The following FNTB variants were observed in gnomAD, a reference collection of about 807,000 sequenced individuals.
FNTB encodes protein farnesyltransferase subunit beta.
Under a neutral mutation model 59.4 loss-of-function variants are expected in FNTB, and 27 were observed. The observed-to-expected ratio is 0.45, with a 90% CI of 0.34 to 0.63. The LOEUF is 0.63. FNTB is among the 20% of genes least tolerant of loss of function. The pLI is 0.02. For missense variants in FNTB, 449 were observed against 559.6 expected (o/e 0.80, Z 1.99); for synonymous variants, 230 against 220.7 (o/e 1.04, Z -0.37).
In FNTB at chr14:65,019,620, C is replaced by G. The variant is rs538368251; in HGVS notation, c.374+3904C>G. Among the ~76,000 whole-genome samples, 7 of 152,318 alleles carry G rather than the reference C, an allele frequency of 4.6e-5. No individual in the cohort carries two copies. The East Asian group carries it at 1.3e-3, about 29-fold the overall frequency. On this transcript the variant is annotated intron_variant, in intron 4 of 11. Transcript: ENST00000246166. Reference sequence around the variant, plus strand: ...AGCTGATTTGTCCTTATTTCAAAAACCACTTGACAGTTAATGAGAGTTTCT... The same window carrying G: ...AGCTGATTTGTCCTTATTTCAAAAAGCACTTGACAGTTAATGAGAGTTTCT...
intron 1 of FNTB, 98 bp downstream of exon 1, chr14:64,987,195 T>G: frequency 7.1e-6 from 10 of 1,401,034 alleles, no homozygotes; most frequent in African/African-American, 1.4e-5. Context: ...ACCGGGGAAC[T>G]ACGACTCCCA....
At chr14:65,010,965 C>T (rs1360076277) in intron 2 of FNTB, among the ~76,000 whole-genome samples, 1 of 152,198 alleles carries the variant, frequency 6.6e-6, no homozygotes, top group Non-Finnish European at 1.5e-5. Flanking sequence ...ACTCATCGCA[C>T]ATTCCTCCTT....
Position 64,997,092 on chromosome 14 carries a change from C to T in FNTB, c.145-7157C>T, listed in dbSNP as rs1000004753. On this transcript the variant is annotated intron_variant, in intron 1 of 11. Transcript: ENST00000246166. This position sits in a 1 kb window ranked among gnomAD's most constrained non-coding sequence, Gnocchi z 4.5. ...AGTCTTGTCAGATTTCTCTGATGGT[C>T]GTAATTTTGGAAAGACAATCTCCCT... 1.3e-5 allele frequency among the ~76,000 whole-genome samples: 2 copies of T among 151,468 alleles called. No individual in the cohort carries two copies. The highest frequency in any genetic ancestry group is 2.4e-5 in the African/African-American group (1 of 41,248).
intron 9 of FNTB, among the ~76,000 whole-genome samples, chr14:65,048,271 C>A (rs1372835554): frequency 1.3e-5 from 2 of 151,574 alleles, no homozygotes; most frequent in Non-Finnish European, 1.5e-5. Context: ...GCGTGAGCCA[C>A]CATACCTGGC....
At position 65,007,601 on chromosome 14, in the gene FNTB, G is replaced by A. The variant is rs2061614639; in HGVS notation, c.209+3288G>A. ...AGAAATGATTTTCTTCTCTAAGGTTGGGACTGTCTACCTGGAGTGAGGTAG... is the reference window on the plus strand; with the variant it reads ...AGAAATGATTTTCTTCTCTAAGGTTAGGACTGTCTACCTGGAGTGAGGTAG... On this transcript the variant is annotated intron_variant, in intron 2 of 11. Coordinates refer to ENST00000246166, the MANE Select transcript of FNTB (RefSeq NM_002028.4). The surrounding 1 kb of genome is among the most constrained non-coding windows in gnomAD (Gnocchi z 4.9). Among the ~76,000 whole-genome samples the A allele has an allele frequency of 6.6e-6, 1 of 152,188 alleles. No homozygotes were observed. The highest frequency in any genetic ancestry group is 1.5e-5 in the Non-Finnish European group (1 of 68,030).
In FNTB at chr14:64,991,463, G is replaced by T. The variant is rs929828909; in HGVS notation, c.144+4366G>T. The stretch of plus-strand genomic sequence containing the variant: ...CTAAAAAAATACAAAAATTAGCTAG[G>T]CGTGGTGGTGTGCACCTGTAATACC... On this transcript the variant is annotated intron_variant, in intron 1 of 11. Transcript: ENST00000246166. The surrounding 1 kb of genome is among the most constrained non-coding windows in gnomAD (Gnocchi z 4.4). 2.0e-5 allele frequency among the ~76,000 whole-genome samples: 3 copies of T among 152,022 alleles called. No individual in the cohort carries two copies. The highest frequency in any genetic ancestry group is 4.4e-5 in the Non-Finnish European group (3 of 68,002).
At chr14:65,049,986 G>A (rs954889103) in intron 9 of FNTB, among the ~76,000 whole-genome samples, 13 of 151,930 alleles carry the variant, frequency 8.6e-5, no homozygotes, top group Non-Finnish European at 1.8e-4. Flanking sequence ...ACATATATAT[G>A]TTTTACATTA....
intron 9 of FNTB, among the ~76,000 whole-genome samples, chr14:65,046,028 C>T (rs2062469599): frequency 6.6e-6 from 1 of 152,088 alleles, no homozygotes; most frequent in Non-Finnish European, 1.5e-5. Context: ...ACTCTTGTTG[C>T]CCAGGCCGGA....
intron 4 of FNTB, among the ~76,000 whole-genome samples, chr14:65,021,389 G>T (rs2139550440): frequency 6.6e-6 from 1 of 152,262 alleles, no homozygotes; most frequent in East Asian, 1.9e-4. Context: ...TCAAAAGGTT[G>T]TTAGTAGCTT....
At chr14:65,000,542 C>T (rs1255679537) in intron 1 of FNTB, among the ~76,000 whole-genome samples, 1 of 152,012 alleles carries the variant, frequency 6.6e-6, no homozygotes, top group African/African-American at 2.4e-5. Context: ...TACCCAGGGC[C>T]AGGTGAGGTG....
intron 9 of FNTB, among the ~76,000 whole-genome samples, chr14:65,046,974 A>G (rs940136043): frequency 6.6e-6 from 1 of 152,214 alleles, no homozygotes; most frequent in Admixed American, 6.5e-5. Context: ...AAAAGGTGCG[A>G]AAAATATTTA....
Position 65,005,497 on chromosome 14 carries a change from CTT to C in FNTB, c.209+1186_209+1187del, listed in dbSNP as rs1288821468. Among the ~76,000 whole-genome samples, 532 of 136,834 alleles carry C rather than the reference CTT, an allele frequency of 3.9e-3. 3 individuals carry two copies. The highest frequency in any genetic ancestry group is 0.014 in the African/African-American group (468 of 32,546). The allele number at this position is 136,834 out of a possible 152,430, so 89.8% of individuals were successfully genotyped here. A position where few individuals can be genotyped will look rare whatever the true frequency, so the allele number is the denominator to read the frequency against. ...TCTTTCTTTCTTTCTTTCTTTCTTT[CTT>C]TCTTTCTTTCTTTCTCTCTCTCTTT... On this transcript the variant is annotated intron_variant, in intron 2 of 11. Coordinates refer to ENST00000246166, the MANE Select transcript of FNTB (RefSeq NM_002028.4).
In FNTB at chr14:65,014,691, G is replaced by A. The variant is rs149815249; in HGVS notation, c.283-934G>A. ...TAGCCAGGCATAGTGGTGTGTGCCC[G>A]TAGTCCCAGCTACTTAGGAGGCTGA... is the stretch of plus-strand genomic sequence containing the variant. On this transcript the variant is annotated intron_variant, in intron 3 of 11. Coordinates refer to ENST00000246166, the MANE Select transcript of FNTB (RefSeq NM_002028.4). The surrounding 1 kb of genome is among the most constrained non-coding windows in gnomAD (Gnocchi z 5.1). 2.6e-5 allele frequency among the ~76,000 whole-genome samples: 4 copies of A among 152,242 alleles called. No individual in the cohort carries two copies. The highest frequency in any genetic ancestry group is 2.1e-4 in the South Asian group (1 of 4,820).
chr14:65,025,091 G>C (rs977773352), intron 4 of FNTB, among the ~76,000 whole-genome samples: 2 of 152,218 alleles, frequency 1.3e-5, no homozygotes, highest in African/African-American at 4.8e-5. Flanking sequence ...TAATACGGAA[G>C]TGTCTGAGAT....
intron 1 of FNTB, among the ~76,000 whole-genome samples, chr14:64,995,337 G>A (rs993330983): frequency 5.3e-5 from 8 of 152,112 alleles, no homozygotes; most frequent in Non-Finnish European, 1.2e-4. Context: ...ATAATATATA[G>A]TATAGTAAAC....
intron 11 of FNTB, among the ~76,000 whole-genome samples, chr14:65,060,030 A>G (rs1377205937): frequency 6.6e-6 from 1 of 151,216 alleles, no homozygotes; most frequent in Non-Finnish European, 1.5e-5. Context: ...ACGGGGTTTC[A>G]CCATCTTGGC....
At position 65,033,835 on chromosome 14, in the gene FNTB, C is replaced by T. The variant is rs146309955; in HGVS notation, c.692+1139C>T. Among the ~76,000 whole-genome samples the T allele has an allele frequency of 1.3e-3, 194 of 152,090 alleles. 1 individual carries two copies. Among genetic ancestry groups the T allele is most frequent in the African/African-American group, 4.6e-3 (192 of 41,484 alleles). The stretch of plus-strand genomic sequence containing the variant: ...TCACGCCACTGCACTCCAGCCTGGG[C>T]GACAGGGCGAGACTCCATCTCAAAA... On this transcript the variant is annotated intron_variant, in intron 7 of 11. Transcript: ENST00000246166.
intron 11 of FNTB, among the ~76,000 whole-genome samples, chr14:65,059,076 A>G (rs8008095): frequency 0.5 from 75,314 of 151,956 alleles, 21,146 homozygotes; most frequent in African/African-American, 0.78. Flanking sequence ...ATGCTGGAGT[A>G]CAGTGCTGTG....
intron 4 of FNTB, among the ~76,000 whole-genome samples, chr14:65,025,845 A>G (rs186484975): frequency 7.2e-5 from 11 of 152,254 alleles, no homozygotes; most frequent in Non-Finnish European, 1.2e-4. Context: ...ATAGTGCCAC[A>G]TAATTGTTTT....
Sources: gnomAD v4.1 joint callset for allele counts (sites outside exome capture counted in the v4.1 genomes callset) on GRCh38, gnomAD v4.1.1 for gene constraint, Gnocchi (gnomAD v3.1) non-coding constraint, MANE v1.5 for transcripts, NCBI Gene and HGNC (gene_info 2026-07-23, HGNC 2026-07-21) for gene names.